The following STK32C variants were observed in gnomAD, a reference collection of about 807,000 sequenced individuals.
STK32C encodes serine/threonine kinase 32C, also known as serine/threonine-protein kinase 32C.
A neutral mutation model predicts 56.5 loss-of-function variants in STK32C; 31 were observed. The ratio of observed to expected loss-of-function variants is 0.55; its 90% confidence interval spans 0.41 to 0.74. The LOEUF is 0.74. Ranked by LOEUF, STK32C falls within the 30% of genes least tolerant of loss-of-function variation. The pLI, the probability that STK32C is intolerant of heterozygous loss-of-function variation, is 0.00. For synonymous variants in STK32C, 309 were observed against 289.4 expected, an observed-to-expected ratio of 1.07 and a Z score of -0.69; for missense variants, 544 against 676.9, an observed-to-expected ratio of 0.80 and a Z score of 2.18.
intron 1 of STK32C, among the ~76,000 whole-genome samples, chr10:132,246,338 G>A (rs1345643401): frequency 6.6e-6 from 1 of 152,232 alleles, no homozygotes; most frequent in Non-Finnish European, 1.5e-5. Context: ...AGACAGGCAG[G>A]CCTGGGGTTT....
At chr10:132,219,702 G>A (rs1011973183) in intron 10 of STK32C, among the ~76,000 whole-genome samples, 1 of 152,156 alleles carries the variant, frequency 6.6e-6, no homozygotes, top group African/African-American at 2.4e-5. Context: ...GCCGGCAGCC[G>A]TCCTGGAGGA....
chr10:132,307,947 T>C lies in STK32C; in HGVS notation c.-114A>G, dbSNP rs2066131638. On this transcript the variant is annotated 5_prime_UTR_variant, in exon 1 of 12. Coordinates refer to ENST00000298630, the MANE Select transcript of STK32C (RefSeq NM_173575.4). This position sits in a 1 kb window ranked among gnomAD's most constrained non-coding sequence, Gnocchi z 4.4. The stretch of plus-strand genomic sequence containing the variant: ...GGCCGGCAGCGCCCGCCGTGCGCTC[T>C]TCTGGGCGGTGGAACCCGCCCCGTA... 9.5e-7 allele frequency: 1 copy of C among 1,048,286 alleles called. No individual in the cohort carries two copies. Among genetic ancestry groups the C allele is most frequent in the South Asian group, 2.8e-5 (1 of 35,160 alleles). 64.9% of individuals were successfully genotyped at this position (1,048,286 alleles called of 1,614,324 possible). A position where few individuals can be genotyped will look rare whatever the true frequency, so the allele number is the denominator to read the frequency against.
chr10:132,253,507 T>G (rs1565113776), intron 1 of STK32C, among the ~76,000 whole-genome samples: 3 of 71,862 alleles, frequency 4.2e-5, no homozygotes, highest in Non-Finnish European at 2.6e-5. Context: ...TCGAGGGAGC[T>G]GAGGGAGCTG....
intron 2 of STK32C, among the ~76,000 whole-genome samples, chr10:132,244,931 C>T (rs967338086): frequency 6.6e-6 from 1 of 152,182 alleles, no homozygotes; most frequent in Admixed American, 6.5e-5. Flanking sequence ...TCCACGGGCG[C>T]CTCCCAACAT....
upstream of STK32C, among the ~76,000 whole-genome samples, chr10:132,312,464 C>G (rs745408111): frequency 3.9e-5 from 6 of 152,182 alleles, no homozygotes; most frequent in Non-Finnish European, 8.8e-5. Context: ...TCCCCTTTAT[C>G]TGTGTAACTG....
intron 1 of STK32C, among the ~76,000 whole-genome samples, chr10:132,278,158 C>T (rs2065043689): frequency 6.6e-6 from 1 of 152,160 alleles, no homozygotes; most frequent in African/African-American, 2.4e-5. Flanking sequence ...AGCAGCTCCA[C>T]CATCACTCTG....
chr10:132,236,221 C>T (rs553193049), intron 2 of STK32C, among the ~76,000 whole-genome samples: 70 of 152,348 alleles, frequency 4.6e-4, no homozygotes, highest in South Asian at 2.1e-4. Context: ...GCAGAGCCTG[C>T]GCACGGCCTG....
At chr10:132,229,318 C>T (rs2063011061) in intron 2 of STK32C, among the ~76,000 whole-genome samples, 1 of 152,060 alleles carries the variant, frequency 6.6e-6, no homozygotes, top group African/African-American at 2.4e-5. Context: ...CAAGGTGGGC[C>T]ACAGATGGCC....
chr10:132,329,784 A>G (rs1305358286), intron 1 of STK32C, among the ~76,000 whole-genome samples: 3 of 152,226 alleles, frequency 2.0e-5, no homozygotes, highest in African/African-American at 7.2e-5. Flanking sequence ...GATGGCCGGG[A>G]AGGGCTGGGA....
chr10:132,224,567 A>G, intron 7 of STK32C, 44 bp from the exon 8 acceptor site: 1 of 1,444,722 alleles, frequency 6.9e-7, no homozygotes, highest in Non-Finnish European at 9.6e-7. Flanking sequence ...CCTGGCCCCC[A>G]GGACACCCAG....
At chr10:132,323,960 G>A (rs1214543351), downstream of STK32C, 4 of 400,404 alleles carry the variant, frequency 1.0e-5, no homozygotes, top group Non-Finnish European at 1.8e-5. This position sits in a 1 kb window ranked among gnomAD's most constrained non-coding sequence, Gnocchi z 4.8. Context: ...AGTTAATGCT[G>A]TCCGGAGAGA....
chr10:132,249,020 C>T (rs922763307), intron 1 of STK32C: 14 of 468,396 alleles, frequency 3.0e-5, no homozygotes, highest in Admixed American at 6.6e-5. Flanking sequence ...GTCACCTGCG[C>T]CCTGCACACC....
intron 10 of STK32C, chr10:132,209,446 G>A: frequency 2.1e-6 from 1 of 482,104 alleles, no homozygotes; most frequent in Admixed American, 2.5e-5. Context: ...TCTCATACCG[G>A]GTTCTCCCAG....
chr10:132,227,218 G>C (rs2137721986), intron 3 of STK32C, among the ~76,000 whole-genome samples: 1 of 152,400 alleles, frequency 6.6e-6, no homozygotes, highest in South Asian at 2.1e-4. Flanking sequence ...AGGCACCTGG[G>C]AGTGGCAAAT....
chr10:132,263,865 CAAA>C (rs71472732), intron 1 of STK32C, among the ~76,000 whole-genome samples: 7 of 75,910 alleles, frequency 9.2e-5, no homozygotes, highest in African/African-American at 1.6e-4. Context: ...GACTCCATCT[CAAA>C]AAAAAAAAAA....
At chr10:132,270,410 T>C (rs891738665) in intron 1 of STK32C, among the ~76,000 whole-genome samples, 1 of 152,216 alleles carries the variant, frequency 6.6e-6, no homozygotes, top group South Asian at 2.1e-4. Flanking sequence ...GCAGGGGTCA[T>C]GAGCCATGGC....
chr10:132,330,208 T>A (rs1177879115), intron 1 of STK32C: 9 of 524,674 alleles, frequency 1.7e-5, no homozygotes, highest in Admixed American at 3.1e-5. Context: ...AATTAACTAC[T>A]GACTACAAAA....
chr10:132,247,882 G>A (rs899715929), intron 1 of STK32C, among the ~76,000 whole-genome samples: 6 of 152,118 alleles, frequency 3.9e-5, no homozygotes, highest in African/African-American at 1.2e-4. Flanking sequence ...GAGGGGGTGG[G>A]GCTTCAAGGG....
At chr10:132,273,451 G>C (rs930994390) in intron 1 of STK32C, among the ~76,000 whole-genome samples, 1 of 152,230 alleles carries the variant, frequency 6.6e-6, no homozygotes, top group South Asian at 2.1e-4. Flanking sequence ...GTAGATGAGT[G>C]AATGAAAACA....
Sources: allele counts gnomAD v4.1 joint callset (sites outside exome capture counted in the v4.1 genomes callset), GRCh38; gene constraint gnomAD v4.1.1; non-coding constraint Gnocchi (gnomAD v3.1); transcripts MANE v1.5; gene names NCBI Gene and HGNC (gene_info 2026-07-23, HGNC 2026-07-21).